Variants in DOP1A observed in about 807,000 individuals in gnomAD.
DOP1A encodes the protein DOP1 leucine zipper like protein A, also known as protein DOP1A.
DOP1A carries 90 observed loss-of-function variants against 267.6 expected under a neutral mutation model. The ratio of observed to expected loss-of-function variants is 0.34; its 90% confidence interval spans 0.28 to 0.40. The LOEUF is 0.40. Ranked by LOEUF, DOP1A falls within the 10% of genes least tolerant of loss-of-function variation. The pLI, the probability that DOP1A is intolerant of heterozygous loss-of-function variation, is 1.00. For synonymous variants in DOP1A, 932 were observed against 999.1 expected (o/e 0.93, Z 1.27); for missense variants, 2,437 against 2,900.4 (o/e 0.84, Z 3.67).
downstream of DOP1A, chr6:83,169,013 T>C: frequency 7.4e-7 from 1 of 1,343,624 alleles, no homozygotes; most frequent in East Asian, 2.9e-5. Flanking sequence ...TATTTTACAT[T>C]AGTGAGACTG....
intron 15 of DOP1A, among the ~76,000 whole-genome samples, chr6:83,126,009 T>C (rs1427779244): frequency 6.6e-6 from 1 of 151,974 alleles, no homozygotes; most frequent in African/African-American, 2.4e-5. Flanking sequence ...ATTTTAATTC[T>C]AGTTTATTTG....
Position 83,113,441 on chromosome 6 carries a change from GTTA to G in DOP1A, c.780+25_780+27del, listed in dbSNP as rs1487897978. 1.3e-6 allele frequency: 2 copies of G among 1,588,538 alleles called. No individual in the cohort carries two copies. The highest frequency in any genetic ancestry group is 1.3e-5 in the African/African-American group (1 of 74,438). ...AGTCAGGTAAAATATTAACGCCGAT[GTTA>G]TTATAAGGCATTCTTGGAAAACTGT... On this transcript the variant is annotated intron_variant, in intron 7 of 38. Transcript: ENST00000349129.
intron 23 of DOP1A, among the ~76,000 whole-genome samples, chr6:83,140,640 C>A (rs1396884379): frequency 6.6e-6 from 1 of 152,060 alleles, no homozygotes; most frequent in Non-Finnish European, 1.5e-5. Flanking sequence ...CACCCCAGTC[C>A]AATTTTTGAA....
At chr6:83,164,282 G>C (rs1391542707) in intron 38 of DOP1A, among the ~76,000 whole-genome samples, 1 of 151,656 alleles carries the variant, frequency 6.6e-6, no homozygotes, top group Non-Finnish European at 1.5e-5. Flanking sequence ...AGTTGCTTCT[G>C]TAGGGGCTTA....
chr6:83,123,205 C>T (rs1288709855), intron 12 of DOP1A, among the ~76,000 whole-genome samples: 1 of 152,012 alleles, frequency 6.6e-6, no homozygotes, highest in Non-Finnish European at 1.5e-5. Flanking sequence ...GTTATTCATA[C>T]ACCAGAGTAG....
At chr6:83,150,050 G>C (rs57596232) in intron 27 of DOP1A, among the ~76,000 whole-genome samples, 2,352 of 152,288 alleles carry the variant, frequency 0.015, 69 homozygotes, top group African/African-American at 0.053. Flanking sequence ...GGGAAAGTAA[G>C]TGTTGATTCT....
chr6:83,121,394 A>G lies in DOP1A; in HGVS notation c.1100-536A>G, dbSNP rs560380598. On this transcript the variant is annotated intron_variant, in intron 10 of 38. Transcript: ENST00000349129. ...CTTGAATTATATAAATGGTCTTGAG[A>G]GGTGTTTTAGCTGTTATGGTAACAG... is the stretch of plus-strand genomic sequence containing the variant. Among the ~76,000 whole-genome samples the G allele has an allele frequency of 3.4e-4, 52 of 151,834 alleles. No individual in the cohort carries two copies. The East Asian group carries it at 8.1e-3, about 24-fold the overall frequency.
intron 7 of DOP1A, among the ~76,000 whole-genome samples, 194 bp downstream of exon 7, chr6:83,113,615 A>T (rs1026762543): frequency 1.3e-5 from 2 of 152,336 alleles, no homozygotes; most frequent in South Asian, 2.1e-4. Context: ...CACTGATTTG[A>T]TAAGAATATG....
intron 20 of DOP1A, among the ~76,000 whole-genome samples, chr6:83,136,696 A>G (rs1778909431): frequency 6.6e-6 from 1 of 151,986 alleles, no homozygotes; most frequent in East Asian, 1.9e-4. Flanking sequence ...AAGAATTTGC[A>G]TTACCCTGCT....
At chr6:83,113,015 T>C (rs192098476) in intron 6 of DOP1A, among the ~76,000 whole-genome samples, 2 of 152,152 alleles carry the variant, frequency 1.3e-5, no homozygotes, top group South Asian at 2.1e-4. Flanking sequence ...ACATGTTAAA[T>C]GAAAAAGGCA....
At chr6:83,154,356 G>A (rs1782307040) in intron 33 of DOP1A, 115 bp downstream of exon 33, 1 of 917,742 alleles carries the variant, frequency 1.1e-6, no homozygotes, top group Non-Finnish European at 1.7e-6. Context: ...TTTGTCAAGT[G>A]TCAGTGGGGA....
At chr6:83,153,819 T>C (rs1782210829) in intron 31 of DOP1A, 75 bp from the exon 32 acceptor site, 1 of 1,462,178 alleles carries the variant, frequency 6.8e-7, no homozygotes, top group Non-Finnish European at 9.2e-7. Context: ...TAGGTAAATG[T>C]GAACATTTAT....
intron 4 of DOP1A, 46 bp downstream of exon 4, chr6:83,100,932 G>A (rs746892363): frequency 2.5e-6 from 3 of 1,207,488 alleles, no homozygotes; most frequent in Admixed American, 3.0e-5. Flanking sequence ...TAAAGAAAAT[G>A]TATTGCTAAA....
chr6:83,067,798 C>G lies in DOP1A; in HGVS notation c.-147+19C>G, dbSNP rs1035401041. ...GCAGCAGGTAAAAGCGTCCCTGCCCCCAGTGCGGCCGCTAGGCTGGTAGCC... is the reference window on the plus strand; with the variant it reads ...GCAGCAGGTAAAAGCGTCCCTGCCCGCAGTGCGGCCGCTAGGCTGGTAGCC... On this transcript the variant is annotated intron_variant, in intron 1 of 38. Coordinates refer to ENST00000349129, the MANE Select transcript of DOP1A (RefSeq NM_015018.4). 2.0e-5 allele frequency: 3 copies of G among 152,336 alleles called. No individual in the cohort carries two copies. The highest frequency in any genetic ancestry group is 7.2e-5 in the African/African-American group (3 of 41,476). The allele number at this position is 152,336 out of a possible 1,614,324, so 9.4% of individuals were successfully genotyped here. A position where few individuals can be genotyped will look rare whatever the true frequency, so the allele number is the denominator to read the frequency against.
chr6:83,140,253 T>C lies in DOP1A; in HGVS notation c.5265T>C (p.Phe1755=), dbSNP rs1779400378. The C allele has an allele frequency of 1.2e-6, 2 of 1,613,078 alleles. No homozygotes were observed. The highest frequency in any genetic ancestry group is 1.3e-5 in the African/African-American group (1 of 74,934). ...TCAGTGTAGACCAGAAACACTTGTTTGAAGCACGCAGTGGAATCCTCTCAA... is the reference window on the plus strand; with the variant it reads ...TCAGTGTAGACCAGAAACACTTGTTCGAAGCACGCAGTGGAATCCTCTCAA... ...LLVSVDQKHL[F]EARSGILSIL... The change falls in exon 23 of 39, where the codon TTT becomes TTC. Residue 1755 remains phenylalanine (F), a synonymous_variant. Coordinates refer to ENST00000349129, the MANE Select transcript of DOP1A (RefSeq NM_015018.4).
intron 37 of DOP1A, among the ~76,000 whole-genome samples, chr6:83,160,800 G>A (rs1208524534): frequency 2.0e-5 from 3 of 151,958 alleles, no homozygotes; most frequent in Non-Finnish European, 4.4e-5. Flanking sequence ...TTTTCTTCTG[G>A]AACAGAAATA....
intron 6 of DOP1A, among the ~76,000 whole-genome samples, chr6:83,113,094 G>A (rs997192115): frequency 6.6e-6 from 1 of 152,068 alleles, no homozygotes; most frequent in African/African-American, 2.4e-5. Flanking sequence ...TAAAACTGGT[G>A]CCTACAAAAC....
chr6:83,149,082 T>C (rs1048877559), intron 27 of DOP1A, among the ~76,000 whole-genome samples: 1 of 151,268 alleles, frequency 6.6e-6, no homozygotes, highest in African/African-American at 2.4e-5. Flanking sequence ...ATATACAAAA[T>C]GTAACTACAC....
At chr6:83,122,191 G>C (rs897946944) in intron 11 of DOP1A, 141 bp downstream of exon 11, 1 of 850,764 alleles carries the variant, frequency 1.2e-6, no homozygotes, top group East Asian at 2.8e-5. Context: ...TAGTAAAGCT[G>C]ATTTAATACT....
Sources: allele counts gnomAD v4.1 joint callset (sites outside exome capture counted in the v4.1 genomes callset), GRCh38; gene constraint gnomAD v4.1.1; transcripts MANE v1.5; gene names NCBI Gene and HGNC (gene_info 2026-07-23, HGNC 2026-07-21).